TFCP2: variants seen among roughly 807,000 people sequenced by gnomAD.
TFCP2 encodes transcription factor CP2.
In TFCP2, 33 loss-of-function variants were observed where a neutral mutation model predicts 73.4. The observed-to-expected ratio is 0.45, with a 90% CI of 0.34 to 0.60. TFCP2 has a LOEUF of 0.60. TFCP2 is among the 20% of genes least tolerant of loss of function. The probability of loss-of-function intolerance (pLI) is 0.01; values close to 1 mark genes in which losing one functional copy is unlikely to be tolerated. For missense variants in TFCP2, 352 were observed against 604.0 expected (o/e 0.58, Z 4.37); for synonymous variants, 193 against 211.6 (o/e 0.91, Z 0.76).
Position 51,172,409 on chromosome 12 carries a change from A to T in TFCP2, c.14T>A (p.Leu5Gln). Residue 5 changes from leucine to glutamine, a missense_variant, in exon 1 of 15, where the codon CTG becomes CAG. Physicochemically the swap from Leu to Gln is moderately radical, Grantham distance 113. Coordinates refer to ENST00000257915, the MANE Select transcript of TFCP2 (RefSeq NM_005653.5). MAWA[L>Q]KLPLADEVIE... ...CACTTCGTCGGCCAGAGGCAGCTTC[A>T]GAGCCCAGGCCATCCTGGCTCCTTC... The T allele has an allele frequency of 6.2e-7, 1 of 1,614,104 alleles. No individual in the cohort carries two copies. Among genetic ancestry groups the T allele is most frequent in the Non-Finnish European group, 8.5e-7 (1 of 1,179,992 alleles).
At chr12:51,127,925 C>CTTTTT in intron 1 of TFCP2, among the ~76,000 whole-genome samples, 1 of 146,276 alleles carries the variant, frequency 6.8e-6, no homozygotes, top group Admixed American at 6.8e-5. Context: ...ATTTTCTTTT[C>CTTTTT]TTTTTTTTTT....
At chr12:51,130,714 C>T (rs551505708) in intron 1 of TFCP2, among the ~76,000 whole-genome samples, 9 of 152,090 alleles carry the variant, frequency 5.9e-5, no homozygotes, top group African/African-American at 1.9e-4. Context: ...TGGCCAGGCA[C>T]GATGGCTCAC....
intron 4 of TFCP2, among the ~76,000 whole-genome samples, chr12:51,112,745 T>C (rs1273870161): frequency 1.8e-4 from 27 of 151,472 alleles, no homozygotes; most frequent in Admixed American, 1.7e-3. Flanking sequence ...TGGATGCCTA[T>C]AATCCCAGCT....
chr12:51,099,546 C>G, intron 12 of TFCP2, 109 bp downstream of exon 12: 1 of 1,376,536 alleles, frequency 7.3e-7, no homozygotes, highest in Non-Finnish European at 1.0e-6. Flanking sequence ...ATTATTGTTA[C>G]TTCTAGCAAA....
chr12:51,133,908 C>T (rs1304605269), intron 1 of TFCP2, among the ~76,000 whole-genome samples: 1 of 117,896 alleles, frequency 8.5e-6, no homozygotes, highest in Non-Finnish European at 1.7e-5. Flanking sequence ...GGCAACAGGG[C>T]GAGACCCTGT....
chr12:51,168,571 ACCT>A (rs1316094925), intron 1 of TFCP2, among the ~76,000 whole-genome samples: 1 of 151,274 alleles, frequency 6.6e-6, no homozygotes, highest in Non-Finnish European at 1.5e-5. Context: ...TGCAGCCTTG[ACCT>A]CCTGGGCTCA....
intron 1 of TFCP2, among the ~76,000 whole-genome samples, chr12:51,150,250 T>C (rs1172908753): frequency 1.3e-5 from 2 of 152,030 alleles, no homozygotes; most frequent in Non-Finnish European, 2.9e-5. Flanking sequence ...AAACCTCTTC[T>C]CTACTGAAAA....
At chr12:51,108,560 G>C (rs1454376417) in intron 6 of TFCP2, among the ~76,000 whole-genome samples, 4 of 152,036 alleles carry the variant, frequency 2.6e-5, no homozygotes, top group Admixed American at 2.0e-4. Context: ...GATAACTTAA[G>C]CCCGGGAGTT....
chr12:51,157,803 G>A (rs1027008138), intron 1 of TFCP2, among the ~76,000 whole-genome samples: 11 of 143,696 alleles, frequency 7.7e-5, no homozygotes, highest in Non-Finnish European at 4.5e-5. Flanking sequence ...CGATTCTCCT[G>A]CCTCAGCCTC....
chr12:51,100,221 G>A (rs546340904), intron 11 of TFCP2, among the ~76,000 whole-genome samples: 76 of 152,210 alleles, frequency 5.0e-4, no homozygotes, highest in Admixed American at 1.8e-3. Context: ...AAAAGCCACC[G>A]TCTAATGGGT....
intron 8 of TFCP2, among the ~76,000 whole-genome samples, chr12:51,105,605 A>G (rs1001949081): frequency 1.3e-5 from 2 of 152,222 alleles, no homozygotes; most frequent in Non-Finnish European, 2.9e-5. Flanking sequence ...TTTTAAAAAA[A>G]GATCTTTTTC....
Position 51,116,430 on chromosome 12 carries a change from T to C in TFCP2, c.352-10A>G. ...CCACACGGAATATACTCTAAAAGGA[T>C]ACAACAAAATCAGATGATAACAAGA... On this transcript the variant is annotated splice_polypyrimidine_tract_variant and intron_variant, in intron 3 of 14. Coordinates refer to ENST00000257915, the MANE Select transcript of TFCP2 (RefSeq NM_005653.5). 6.7e-7 allele frequency: 1 copy of C among 1,499,470 alleles called. No homozygotes were observed. The highest frequency in any genetic ancestry group is 9.1e-7 in the Non-Finnish European group (1 of 1,098,036). 92.9% of individuals were successfully genotyped at this position (1,499,470 alleles called of 1,614,324 possible).
Position 51,099,792 on chromosome 12 carries a change from A to T in TFCP2, c.1152-13T>A. The T allele has an allele frequency of 6.2e-7, 1 of 1,612,892 alleles. No homozygotes were observed. Among genetic ancestry groups the T allele is most frequent in the Non-Finnish European group, 8.5e-7 (1 of 1,179,094 alleles). Reference sequence around the variant, plus strand: ...TGGACGCACCATCCTAAGGGGAGGAAAAAGGCTAATTAGTCTTACATTCTT... The same window carrying T: ...TGGACGCACCATCCTAAGGGGAGGATAAAGGCTAATTAGTCTTACATTCTT... On this transcript the variant is annotated splice_polypyrimidine_tract_variant and intron_variant, in intron 11 of 14. Transcript: ENST00000257915.
intron 1 of TFCP2, among the ~76,000 whole-genome samples, chr12:51,153,948 C>G (rs1565721): frequency 0.59 from 89,903 of 152,002 alleles, 27,390 homozygotes; most frequent in Non-Finnish European, 0.68. Flanking sequence ...GAGGAACCAC[C>G]ATACTGTTTT....
chr12:51,094,453 A>G lies in TFCP2; in HGVS notation c.*788T>C, dbSNP rs10876135. 133,108 of 152,174 alleles carry G rather than the reference A, an allele frequency of 0.87. 59,076 individuals are homozygous for G. Among genetic ancestry groups the G allele is most frequent in the Non-Finnish European group, 0.96 (65,184 of 68,036 alleles). 9.4% of individuals were successfully genotyped at this position (152,174 alleles called of 1,614,324 possible). ...GAAGTGAACACAGGTTATAATGGGTAGCACTGGTGGTATGAGAGGGTGAAT... is the reference window on the plus strand; with the variant it reads ...GAAGTGAACACAGGTTATAATGGGTGGCACTGGTGGTATGAGAGGGTGAAT... On this transcript the variant is annotated 3_prime_UTR_variant, in exon 15 of 15. Coordinates refer to ENST00000257915, the MANE Select transcript of TFCP2 (RefSeq NM_005653.5).
At chr12:51,161,057 G>C (rs536278774) in intron 1 of TFCP2, among the ~76,000 whole-genome samples, 151 of 152,244 alleles carry the variant, frequency 9.9e-4, no homozygotes, top group African/African-American at 3.3e-3. Flanking sequence ...AACTTAAAGG[G>C]AGAGAACACT....
intron 4 of TFCP2, among the ~76,000 whole-genome samples, chr12:51,113,733 C>T (rs1940454751): frequency 6.6e-6 from 1 of 152,088 alleles, no homozygotes; most frequent in Non-Finnish European, 1.5e-5. Flanking sequence ...GAATAGACAG[C>T]CTACAAATAA....
At chr12:51,147,934 A>G (rs985212225) in intron 1 of TFCP2, among the ~76,000 whole-genome samples, 1 of 152,144 alleles carries the variant, frequency 6.6e-6, no homozygotes, top group Non-Finnish European at 1.5e-5. Flanking sequence ...ACTCAAACAA[A>G]TCAGCTAGAA....
Position 51,145,409 on chromosome 12 carries a change from T to A in TFCP2, c.123-26637A>T, listed in dbSNP as rs1941275421. Reference sequence around the variant, plus strand: ...AAAAAAAAAAAAATACAAATACAAATACAAAAATTAGCCGGGTGTGGTGGT... The same window carrying A: ...AAAAAAAAAAAAATACAAATACAAAAACAAAAATTAGCCGGGTGTGGTGGT... On this transcript the variant is annotated intron_variant, in intron 1 of 14. Transcript: ENST00000257915. 2.1e-5 allele frequency among the ~76,000 whole-genome samples: 3 copies of A among 144,986 alleles called. No homozygotes were observed. In the South Asian group the frequency reaches 6.6e-4, roughly 32 times the overall value.
Sources: allele counts gnomAD v4.1 joint callset (sites outside exome capture counted in the v4.1 genomes callset), GRCh38; gene constraint gnomAD v4.1.1; transcripts MANE v1.5; gene names NCBI Gene and HGNC (gene_info 2026-07-23, HGNC 2026-07-21).